The following GTSF1 variants were observed in gnomAD, a reference collection of about 807,000 sequenced individuals.
GTSF1 encodes gametocyte-specific factor 1.
A neutral mutation model predicts 28.9 loss-of-function variants in GTSF1; 11 were observed. The ratio of observed to expected loss-of-function variants is 0.38; its 90% confidence interval spans 0.24 to 0.63. GTSF1 has a LOEUF of 0.63. Among genes scored for constraint, GTSF1 ranks in the 30% least tolerant of loss-of-function variants. The pLI, the probability that GTSF1 is intolerant of heterozygous loss-of-function variation, is 0.56. For synonymous variants in GTSF1, 69 were observed against 65.6 expected (o/e 1.05, Z -0.25); for missense variants, 146 against 201.0 (o/e 0.73, Z 1.66).
chr12:54,458,857 T>C (rs916305966), intron 8 of GTSF1, among the ~76,000 whole-genome samples: 4 of 150,846 alleles, frequency 2.7e-5, no homozygotes, highest in African/African-American at 9.7e-5. Flanking sequence ...CAATGTGTAC[T>C]AATGTTAGAG....
chr12:54,471,159 T>C (rs2120805105), intron 2 of GTSF1, 74 bp downstream of exon 2: 1 of 1,245,774 alleles, frequency 8.0e-7, no homozygotes. Context: ...CCCAGCACAC[T>C]AAAAGTCTTG....
At chr12:54,466,387 C>T (rs1458105330) in intron 2 of GTSF1, among the ~76,000 whole-genome samples, 1 of 152,148 alleles carries the variant, frequency 6.6e-6, no homozygotes, top group African/African-American at 2.4e-5. Context: ...GAGTGGTAAA[C>T]ATGGAATAAA....
chr12:54,467,801 T>C (rs987581909), intron 2 of GTSF1, among the ~76,000 whole-genome samples: 7 of 150,516 alleles, frequency 4.7e-5, no homozygotes, highest in African/African-American at 1.5e-4. Context: ...TGAGATGGAG[T>C]TTCGTTCTTG....
At chr12:54,457,132 T>C (rs991937829) in intron 8 of GTSF1, among the ~76,000 whole-genome samples, 1 of 152,160 alleles carries the variant, frequency 6.6e-6, no homozygotes, top group Non-Finnish European at 1.5e-5. Context: ...ACTTCATTTT[T>C]ATTAAGAGGA....
Position 54,460,363 on chromosome 12 carries a change from T to C in GTSF1, c.487+14A>G. 6.4e-7 allele frequency: 1 copy of C among 1,569,782 alleles called. No homozygotes were observed. The highest frequency in any genetic ancestry group is 1.7e-4 in the Middle Eastern group (1 of 5,976). ...ATGAAAAGAGTAAAACTATTTTGTC[T>C]CTATTTCACTTACTGTTTTTCCATG... On this transcript the variant is annotated intron_variant, in intron 7 of 8. Coordinates refer to ENST00000305879, the MANE Select transcript of GTSF1 (RefSeq NM_144594.3).
rs2120709593 is a variant in GTSF1 at position 54,456,165 on chromosome 12, T to A, written c.*21-12A>T. 6.6e-6 allele frequency: 1 copy of A among 152,280 alleles called. No individual in the cohort carries two copies. The highest frequency in any genetic ancestry group is 2.4e-5 in the African/African-American group (1 of 41,466). The allele number at this position is 152,280 out of a possible 1,614,324, so 9.4% of individuals were successfully genotyped here. A position where few individuals can be genotyped will look rare whatever the true frequency, so the allele number is the denominator to read the frequency against. On this transcript the variant is annotated splice_polypyrimidine_tract_variant and intron_variant, in intron 8 of 8. Coordinates refer to ENST00000305879, the MANE Select transcript of GTSF1 (RefSeq NM_144594.3). ...CTAGGGTCTGGCATCTGCAAGTAAATGGAGAAAAAAAAGTTCTTAGTTTTT... is the reference window on the plus strand; with the variant it reads ...CTAGGGTCTGGCATCTGCAAGTAAAAGGAGAAAAAAAAGTTCTTAGTTTTT...
chr12:54,462,311 A>G, intron 5 of GTSF1, 139 bp from the exon 6 acceptor site: 1 of 620,660 alleles, frequency 1.6e-6, no homozygotes. Flanking sequence ...TGTCCTGCCT[A>G]AGTGACACAG....
chr12:54,465,104 G>T lies in GTSF1; in HGVS notation c.80C>A (p.Ala27Asp), dbSNP rs760534518. 1 of 1,613,446 alleles carries T rather than the reference G, an allele frequency of 6.2e-7. No homozygotes were observed. The highest frequency in any genetic ancestry group is 8.5e-7 in the Non-Finnish European group (1 of 1,179,548). ...GATAAGATGATAAGGAAACCTGCAA[G>T]CCCTGATTTGATGGTTTTTGTCATA... is the stretch of plus-strand genomic sequence containing the variant. ...CPYDKNHQIR[A>D]CRFPYHLIKC... The change falls in exon 3 of 9, where the codon GCT becomes GAT. Residue 27 changes from alanine to aspartate, a missense_variant. Coordinates refer to ENST00000305879, the MANE Select transcript of GTSF1 (RefSeq NM_144594.3).
Position 54,465,136 on chromosome 12 carries a change from T to A in GTSF1, c.48A>T (p.Gln16His). 1 of 1,613,550 alleles carries A rather than the reference T, an allele frequency of 6.2e-7. No homozygotes were observed. Among genetic ancestry groups the A allele is most frequent in the Non-Finnish European group, 8.5e-7 (1 of 1,179,574 alleles). ...TDSLDPEKLL[Q>H]CPYDKNHQIR... ...TTTGATGGTTTTTGTCATAGGGGCATTGCAATAGCTTCTCAGGGTCCAGGG... is the reference window on the plus strand; with the variant it reads ...TTTGATGGTTTTTGTCATAGGGGCAATGCAATAGCTTCTCAGGGTCCAGGG... Residue 16 changes from glutamine (Q) to histidine (H), a missense_variant, in exon 3 of 9, where the codon CAA becomes CAT. By Grantham distance (24) the Gln-to-His change is conservative (BLOSUM62 0). Transcript: ENST00000305879.
chr12:54,470,750 C>T (rs2120803453), intron 2 of GTSF1, among the ~76,000 whole-genome samples: 1 of 152,264 alleles, frequency 6.6e-6, no homozygotes, highest in Non-Finnish European at 1.5e-5. Flanking sequence ...GTTCTGTTGT[C>T]TCTGTTGTAA....
rs777098460 is a variant in GTSF1 at position 54,463,233 on chromosome 12, C to T, written c.182G>A (p.Arg61Gln). Residue 61 changes from arginine (R) to glutamine (Q), a missense_variant, in exon 4 of 9, where the codon CGA becomes CAA. Transcript: ENST00000305879. ...CPFNARHQVPRAEISHHISSC... is the reference protein window; with the variant it reads ...CPFNARHQVPQAEISHHISSC... ...TGAGATATGATGACTAATTTCAGCT[C>T]GAGGAACCTGGTGGCGAGCATTGAA... is the stretch of plus-strand genomic sequence containing the variant. 20 of 1,613,754 alleles carry T rather than the reference C, an allele frequency of 1.2e-5. No individual in the cohort carries two copies. Among genetic ancestry groups the T allele is most frequent in the South Asian group, 2.2e-5 (2 of 91,058 alleles).
rs1956443273 is a variant in GTSF1, at chr12:54,462,688, A to G, written c.282T>C (p.Ala94=). The G allele has an allele frequency of 2.5e-6, 4 of 1,614,068 alleles. No homozygotes were observed. In the Admixed American group the frequency reaches 6.7e-5, roughly 27 times the overall value. Residue 94 remains alanine, a synonymous_variant, in exon 5 of 9, where the codon GCT becomes GCC. Coordinates refer to ENST00000305879, the MANE Select transcript of GTSF1 (RefSeq NM_144594.3). ...AAGGAGGGCACTGCCAAGTGCTCTC[A>G]GCCAGAGTCTCTTGTCTAAGGCTCC... The part of the protein sequence containing the change: ...QTRSLRQETL[A]ESTWQCPPCD...
At chr12:54,465,005 T>C in intron 3 of GTSF1, 62 bp downstream of exon 3, 1 of 926,724 alleles carries the variant, frequency 1.1e-6, no homozygotes, top group South Asian at 1.6e-5. Context: ...TATTTGATAT[T>C]TATAAAATAT....
rs1176992426 is a variant in GTSF1 at position 54,473,335 on chromosome 12, G to A, written c.-30+211C>T. ...CTAAATAAGAGAAAGTGGGGGAGGT[G>A]GTTAACTTAAAAAAAACATAGAAAA... On this transcript the variant is annotated intron_variant, in intron 1 of 8. Coordinates refer to ENST00000305879, the MANE Select transcript of GTSF1 (RefSeq NM_144594.3). 2.0e-5 allele frequency among the ~76,000 whole-genome samples: 3 copies of A among 152,146 alleles called. 1 individual carries two copies. The highest frequency in any genetic ancestry group is 4.4e-5 in the Non-Finnish European group (3 of 68,000).
chr12:54,460,739 T>C (rs1240475403), intron 6 of GTSF1, among the ~76,000 whole-genome samples: 1 of 152,230 alleles, frequency 6.6e-6, no homozygotes, highest in African/African-American at 2.4e-5. Flanking sequence ...TGCCATCTAC[T>C]GTTCAGCTGT....
intron 7 of GTSF1, chr12:54,459,403 C>G (rs761336945): frequency 1.0e-5 from 14 of 1,375,934 alleles, no homozygotes; most frequent in Non-Finnish European, 1.2e-5. Flanking sequence ...CTCTAGCCAC[C>G]TAAAAATTAG....
At chr12:54,458,551 T>C (rs1016684596) in intron 8 of GTSF1, among the ~76,000 whole-genome samples, 14 of 152,142 alleles carry the variant, frequency 9.2e-5, no homozygotes, top group Non-Finnish European at 2.1e-4. Context: ...TTTGAATTTT[T>C]AGTAGAGACA....
intron 3 of GTSF1, 105 bp from the exon 4 acceptor site, chr12:54,463,402 TA>T: frequency 9.8e-7 from 1 of 1,024,624 alleles, no homozygotes. Context: ...AATTCCTCAA[TA>T]AACTTCTGGC....
chr12:54,471,380 A>C, intron 1 of GTSF1, 103 bp from the exon 2 acceptor site: 1 of 606,926 alleles, frequency 1.6e-6, no homozygotes, highest in Non-Finnish European at 2.8e-6. Flanking sequence ...ACCCAAGTTC[A>C]ATATAAGAAA....
Sources: gnomAD v4.1 joint callset for allele counts (sites outside exome capture counted in the v4.1 genomes callset) on GRCh38, gnomAD v4.1.1 for gene constraint, MANE v1.5 for transcripts, NCBI Gene and HGNC (gene_info 2026-07-23, HGNC 2026-07-21) for gene names.